ULK1: variants seen among roughly 807,000 people sequenced by gnomAD.
ULK1 encodes the protein serine/threonine-protein kinase ULK1.
ULK1 carries 48 observed loss-of-function variants against 117.5 expected under a neutral mutation model. The observed-to-expected ratio is 0.41, with a 90% CI of 0.32 to 0.52. ULK1 has a LOEUF of 0.52. ULK1 is among the 20% of genes least tolerant of loss of function. The probability of loss-of-function intolerance (pLI) is 0.29; values close to 1 mark genes in which losing one functional copy is unlikely to be tolerated. For synonymous variants in ULK1, 790 were observed against 637.8 expected, an observed-to-expected ratio of 1.24 and a Z score of -3.60; for missense variants, 1,387 against 1,473.4, an observed-to-expected ratio of 0.94 and a Z score of 0.96.
At chr12:131,915,867 GT>G in intron 18 of ULK1, 23 bp from the exon 19 acceptor site, 1 of 1,605,778 alleles carries the variant, frequency 6.2e-7, no homozygotes, top group South Asian at 1.1e-5. Flanking sequence ...CCGGAAGGTC[GT>G]GACGAGGCGT....
At chr12:131,911,407 G>T (rs1889529365) in intron 12 of ULK1, among the ~76,000 whole-genome samples, 2 of 152,206 alleles carry the variant, frequency 1.3e-5, no homozygotes, top group Non-Finnish European at 2.9e-5. Context: ...ATGTGGCGAG[G>T]GGAGCGTGGC....
intron 13 of ULK1, 62 bp from the exon 14 acceptor site, chr12:131,913,135 TG>T: frequency 1.4e-6 from 2 of 1,466,778 alleles, no homozygotes; most frequent in Non-Finnish European, 9.0e-7. Flanking sequence ...AGAGCCTCGG[TG>T]GGGTGGGGTG....
intron 3 of ULK1, among the ~76,000 whole-genome samples, chr12:131,898,877 G>A (rs1888978349): frequency 6.7e-6 from 1 of 150,294 alleles, no homozygotes; most frequent in Non-Finnish European, 1.5e-5. Context: ...CCTTTGTATA[G>A]TGTATTTCTT....
intron 8 of ULK1, 96 bp downstream of exon 8, chr12:131,909,333 A>ACGAGCTCCCCT (rs1889417573): frequency 8.9e-6 from 12 of 1,352,486 alleles, no homozygotes; most frequent in Non-Finnish European, 1.2e-5. Flanking sequence ...CCCGCGCCCC[A>ACGAGCTCCCCT]CGAGCTCCCC....
intron 3 of ULK1, chr12:131,896,645 G>A (rs941892492): frequency 8.6e-5 from 13 of 151,802 alleles, no homozygotes; most frequent in African/African-American, 3.2e-4. Flanking sequence ...GTGCCGGGTG[G>A]GGGGGGCCCA....
chr12:131,906,856 A>C lies in ULK1; in HGVS notation c.247-36A>C, dbSNP rs376423225. 5 of 1,613,748 alleles carry C rather than the reference A, an allele frequency of 3.1e-6. No homozygotes were observed. The African/African-American group carries it at 5.3e-5, about 17-fold the overall frequency. ...ACTCCCTGCAGTGGGGCCCGGTGGC[A>C]CTGGGACCTCTCACAGCCTCTTTTC... On this transcript the variant is annotated intron_variant, in intron 3 of 27. Transcript: ENST00000321867.
intron 19 of ULK1, 27 bp downstream of exon 19, chr12:131,916,186 G>A: frequency 1.3e-6 from 2 of 1,599,630 alleles, no homozygotes; most frequent in East Asian, 4.5e-5. Context: ...TGTGTGCAGG[G>A]GCACAGAGCC....
chr12:131,904,659 G>A (rs886774026), intron 3 of ULK1, among the ~76,000 whole-genome samples: 1 of 152,160 alleles, frequency 6.6e-6, no homozygotes, highest in Non-Finnish European at 1.5e-5. Flanking sequence ...ACACATCCCT[G>A]CTTGTCCTGG....
rs1262124530 is a variant in ULK1, at chr12:131,918,189, T to C, written c.2327-308T>C. On this transcript the variant is annotated intron_variant, in intron 22 of 27. Coordinates refer to ENST00000321867, the MANE Select transcript of ULK1 (RefSeq NM_003565.4). ...CACGCACCTACCCCATTCCAGACAG[T>C]GGCAGCTGCCCTCCTCCCAGGCAGA... 12 of 468,996 alleles carry C rather than the reference T, an allele frequency of 2.6e-5. No homozygotes were observed. In the South Asian group the frequency reaches 3.3e-4, roughly 13 times the overall value. 29.1% of individuals were successfully genotyped at this position (468,996 alleles called of 1,614,324 possible).
At position 131,894,983 on chromosome 12, in the gene ULK1, C is replaced by G; in HGVS notation, c.-19C>G. 7.4e-7 allele frequency: 1 copy of G among 1,346,268 alleles called. No homozygotes were observed. Among genetic ancestry groups the G allele is most frequent in the East Asian group, 3.4e-5 (1 of 29,798 alleles). The allele number at this position is 1,346,268 out of a possible 1,614,324, so 83.4% of individuals were successfully genotyped here. ...TTGGCCCGCCACCCCCCGCCCCGCG[C>G]CCCCGGCCCGCCTGCGCCATGGAGC... On this transcript the variant is annotated 5_prime_UTR_variant, in exon 1 of 28. Transcript: ENST00000321867.
At chr12:131,919,815 C>T (rs896956498) in intron 25 of ULK1, 164 bp from the exon 26 acceptor site, 81 of 1,158,182 alleles carry the variant, frequency 7.0e-5, no homozygotes, top group Non-Finnish European at 8.6e-5. Context: ...GGATGGCACC[C>T]GGGACAAGGT....
chr12:131,906,832 C>A, intron 3 of ULK1, 60 bp from the exon 4 acceptor site: 1 of 1,609,836 alleles, frequency 6.2e-7, no homozygotes, highest in South Asian at 1.1e-5. Flanking sequence ...CTGAGCCAGA[C>A]TCCCTGCAGT....
rs138037597 is a variant in ULK1, at chr12:131,902,323, C to G, written c.247-4569C>G. On this transcript the variant is annotated intron_variant, in intron 3 of 27. Coordinates refer to ENST00000321867, the MANE Select transcript of ULK1 (RefSeq NM_003565.4). The surrounding 1 kb of genome is among the most constrained non-coding windows in gnomAD (Gnocchi z 6.3). ...CCAGGCCCAGCCCAGGATCACCAGA[C>G]AAGAGTAGGGCTGGCAGAGGGTGGG... 6.6e-6 allele frequency among the ~76,000 whole-genome samples: 1 copy of G among 152,282 alleles called. No individual in the cohort carries two copies. The highest frequency in any genetic ancestry group is 1.5e-5 in the Non-Finnish European group (1 of 68,008).
At position 131,906,903 on chromosome 12, in the gene ULK1, T is replaced by C. The variant is rs778201586; in HGVS notation, c.258T>C (p.Asn86=). 1.2e-6 allele frequency: 2 copies of C among 1,614,120 alleles called. No homozygotes were observed. Among genetic ancestry groups the C allele is most frequent in the East Asian group, 2.2e-5 (1 of 44,880 alleles). ...TTTCTGTCTTGCAGGAAATGGCTAA[T>C]TCTGTCTACCTGGTTATGGAGGTGA... ...VALYDFQEMA[N]SVYLVMEYCN... is the part of the protein sequence containing the mutation. The change falls in exon 4 of 28, where the codon AAT becomes AAC. Residue 86 remains asparagine (N), a synonymous_variant. Transcript: ENST00000321867.
intron 25 of ULK1, 104 bp from the exon 26 acceptor site, chr12:131,919,875 G>A (rs1039828021): frequency 1.7e-5 from 25 of 1,472,628 alleles, no homozygotes; most frequent in Admixed American, 2.1e-5. Context: ...GGCTGTGGCA[G>A]GGAGGGAGGG....
intron 4 of ULK1, 71 bp from the exon 5 acceptor site, chr12:131,907,409 AAGTGTGAGGGGTGGG>A: frequency 6.5e-7 from 1 of 1,548,534 alleles, no homozygotes; most frequent in Admixed American, 1.8e-5. Flanking sequence ...AGTAGTGTCC[AAGTGTGAGGGGTGGG>A]GAGGCTGGGC....
At chr12:131,895,360 C>T (rs1365408764) in intron 1 of ULK1, among the ~76,000 whole-genome samples, 1 of 151,632 alleles carries the variant, frequency 6.6e-6, no homozygotes, top group Admixed American at 6.6e-5. Context: ...ACCCCCAGCC[C>T]GACTTTCCTG....
rs373878374 is a variant in ULK1 at position 131,916,488 on chromosome 12, C to T, written c.1969C>T (p.Arg657Ter). Residue 657 changes from arginine (R) to a stop codon, truncating the protein, a stop_gained, in exon 20 of 28, where the codon CGA (arginine) becomes TGA (stop). Coordinates refer to ENST00000321867, the MANE Select transcript of ULK1 (RefSeq NM_003565.4). LOFTEE classifies it high-confidence loss of function. ...ARQGVVMTPP[R>*]NRTLPDLSEV... ...GCAGGGCGTGGTGATGACGCCCCCT[C>T]GAAACCGGACGCTGCCCGACCTCTC... 13 of 1,612,174 alleles carry T rather than the reference C, an allele frequency of 8.1e-6. No individual in the cohort carries two copies. Among genetic ancestry groups the T allele is most frequent in the Admixed American group, 3.3e-5 (2 of 59,972 alleles).
intron 16 of ULK1, 65 bp downstream of exon 16, chr12:131,914,542 G>A (rs909597555): frequency 1.1e-5 from 17 of 1,558,556 alleles, no homozygotes; most frequent in Admixed American, 1.9e-5. Context: ...GCCCTTCCAC[G>A]GCTCCCATAG....
Sources: allele counts gnomAD v4.1 joint callset (sites outside exome capture counted in the v4.1 genomes callset), GRCh38; gene constraint gnomAD v4.1.1; non-coding constraint Gnocchi (gnomAD v3.1); transcripts MANE v1.5; gene names NCBI Gene and HGNC (gene_info 2026-07-23, HGNC 2026-07-21).